The following LZTFL1 variants were observed in gnomAD, a reference collection of about 807,000 sequenced individuals.
The protein encoded by LZTFL1 is leucine zipper transcription factor-like protein 1.
LZTFL1 carries 25 observed loss-of-function variants against 45.9 expected under a neutral mutation model. That is an observed-to-expected ratio of 0.54 (90% CI 0.40 to 0.76). LZTFL1 has a LOEUF of 0.76. Among genes scored for constraint, LZTFL1 ranks in the 30% least tolerant of loss-of-function variants. LZTFL1 has a pLI of 0.00. For missense variants in LZTFL1, 277 were observed against 331.1 expected (o/e 0.84, Z 1.27); for synonymous variants, 93 against 117.4 (o/e 0.79, Z 1.35).
chr3:45,831,263 C>T (rs1270541201), intron 5 of LZTFL1, 125 bp from the exon 6 acceptor site: 6 of 589,860 alleles, frequency 1.0e-5, no homozygotes, highest in Non-Finnish European at 1.7e-5. Context: ...AAATGTACTA[C>T]TGATATTTTG....
chr3:45,839,948 T>C (rs1701063101), intron 1 of LZTFL1, among the ~76,000 whole-genome samples: 2 of 152,234 alleles, frequency 1.3e-5, no homozygotes. Flanking sequence ...ATATAATCTC[T>C]GCTACTTCTT....
chr3:45,846,503 C>A (rs1701219421), upstream of LZTFL1, among the ~76,000 whole-genome samples: 1 of 152,102 alleles, frequency 6.6e-6, no homozygotes, highest in African/African-American at 2.4e-5. Context: ...TTGACTCCCC[C>A]AAAACTGAAC....
intron 2 of LZTFL1, among the ~76,000 whole-genome samples, chr3:45,868,613 C>G (rs1042952565): frequency 6.6e-6 from 1 of 152,142 alleles, no homozygotes; most frequent in Non-Finnish European, 1.5e-5. Context: ...AAAAGTGAGG[C>G]TTAACAAGAT....
At position 45,830,203 on chromosome 3, in the gene LZTFL1, T is replaced by G. The variant is rs535261509; in HGVS notation, c.600+710A>C. Among the ~76,000 whole-genome samples, 11 of 152,234 alleles carry G rather than the reference T, an allele frequency of 7.2e-5. No homozygotes were observed. In the East Asian group the frequency reaches 2.1e-3, roughly 29 times the overall value. On this transcript the variant is annotated intron_variant, in intron 7 of 9. Coordinates refer to ENST00000296135, the MANE Select transcript of LZTFL1 (RefSeq NM_020347.4). Reference sequence around the variant, plus strand: ...GTTTACCAGACATTTGCAATGAGAGTATGACCACTAGAAAAGCCAATGCTG... The same window carrying G: ...GTTTACCAGACATTTGCAATGAGAGGATGACCACTAGAAAAGCCAATGCTG...
chr3:45,874,191 A>G (rs141321793), intron 2 of LZTFL1, among the ~76,000 whole-genome samples: 3 of 151,930 alleles, frequency 2.0e-5, no homozygotes, highest in East Asian at 1.9e-4. Context: ...TCTTTCCTAC[A>G]TCTCTATTTT....
At chr3:45,831,680 C>T (rs990503732) in intron 5 of LZTFL1, among the ~76,000 whole-genome samples, 2 of 152,208 alleles carry the variant, frequency 1.3e-5, no homozygotes, top group African/African-American at 4.8e-5. Context: ...CACTCTGTTT[C>T]AAGTCATGCC....
chr3:45,915,287 T>C, intron 1 of LZTFL1: 1 of 295,072 alleles, frequency 3.4e-6, no homozygotes, highest in Non-Finnish European at 6.9e-6. Context: ...AGGCCCTTTC[T>C]GTTACCCCTC....
Position 45,823,776 on chromosome 3 carries a change from A to C in LZTFL1, c.*2538T>G, listed in dbSNP as rs2125670578. ...AGTGGCAAAGCTTTGGAACATAGGC[A>C]TTTACACATAAGCAGAGGGAAATCA... On this transcript the variant is annotated 3_prime_UTR_variant, in exon 10 of 10. Transcript: ENST00000296135. The C allele has an allele frequency of 6.6e-6, 1 of 152,356 alleles. No homozygotes were observed. The highest frequency in any genetic ancestry group is 3.4e-3 in the Middle Eastern group (1 of 294). 9.4% of individuals were successfully genotyped at this position (152,356 alleles called of 1,614,324 possible).
At chr3:45,865,196 C>CT (rs1410567034) in intron 2 of LZTFL1, among the ~76,000 whole-genome samples, 1 of 152,190 alleles carries the variant, frequency 6.6e-6, no homozygotes, top group Non-Finnish European at 1.5e-5. Context: ...GAAGAAGGAG[C>CT]TTCTCTAATT....
intron 2 of LZTFL1, chr3:45,883,837 G>T: frequency 3.7e-6 from 2 of 543,174 alleles, no homozygotes; most frequent in East Asian, 3.4e-5. Context: ...CCACGGAGTA[G>T]GCCATCACAG....
rs547688198 is a variant in LZTFL1 at position 45,866,713 on chromosome 3, T to C, written c.-214-7697A>G. ...TTAGACTTGGGTTGTTTAGAGTCTT[T>C]CAATATAACCAATAGTGCTGTAATA... is the stretch of plus-strand genomic sequence containing the variant. On this transcript the variant is annotated intron_variant, in intron 2 of 4. Coordinates refer to the LZTFL1 transcript ENST00000472635. Among the ~76,000 whole-genome samples the C allele has an allele frequency of 8.5e-5, 13 of 152,356 alleles. No homozygotes were observed. In the South Asian group the frequency reaches 2.7e-3, roughly 32 times the overall value.
rs1700616874 is a variant in LZTFL1 at position 45,824,546 on chromosome 3, G to A, written c.*1768C>T. 9.1e-6 allele frequency: 3 copies of A among 329,702 alleles called. No homozygotes were observed. Among genetic ancestry groups the A allele is most frequent in the Non-Finnish European group, 1.6e-5 (3 of 183,740 alleles). The allele number at this position is 329,702 out of a possible 1,614,324, so 20.4% of individuals were successfully genotyped here. A position where few individuals can be genotyped will look rare whatever the true frequency, so the allele number is the denominator to read the frequency against. The stretch of plus-strand genomic sequence containing the variant: ...GAATTTATTATTAAACAATAGGAAC[G>A]TACTGTACAGAATATTTCAAAACTG... On this transcript the variant is annotated 3_prime_UTR_variant, in exon 10 of 10. Coordinates refer to ENST00000296135, the MANE Select transcript of LZTFL1 (RefSeq NM_020347.4).
chr3:45,884,078 AC>A, intron 2 of LZTFL1: 1 of 170,576 alleles, frequency 5.9e-6, no homozygotes. Context: ...CTCCTTGGGC[AC>A]CACAGAGGGC....
chr3:45,858,020 C>A (rs1170222376), intron 3 of LZTFL1, among the ~76,000 whole-genome samples: 1 of 152,104 alleles, frequency 6.6e-6, no homozygotes, highest in East Asian at 1.9e-4. Context: ...TTAATGTCTG[C>A]TAATTTTGTG....
At chr3:45,894,407 C>G (rs537197909) in intron 2 of LZTFL1, among the ~76,000 whole-genome samples, 1 of 152,278 alleles carries the variant, frequency 6.6e-6, no homozygotes, top group South Asian at 2.1e-4. Flanking sequence ...AGGCCCTTTT[C>G]CTGGGGAGTC....
At chr3:45,884,524 C>A (rs1016169864) in intron 2 of LZTFL1, among the ~76,000 whole-genome samples, 1 of 152,138 alleles carries the variant, frequency 6.6e-6, no homozygotes, top group Non-Finnish European at 1.5e-5. Flanking sequence ...CACGGGGACC[C>A]GTGCAGAGGA....
chr3:45,832,941 C>A, intron 5 of LZTFL1, 109 bp downstream of exon 5: 1 of 770,830 alleles, frequency 1.3e-6, no homozygotes, highest in South Asian at 1.6e-5. Flanking sequence ...CTGCAATGGA[C>A]TAATTATCCT....
intron 2 of LZTFL1, among the ~76,000 whole-genome samples, chr3:45,895,392 G>C (rs746969606): frequency 6.6e-6 from 1 of 152,230 alleles, no homozygotes; most frequent in Admixed American, 6.5e-5. Flanking sequence ...ACATTCCCCT[G>C]AAAGAGACCA....
At chr3:45,894,917 C>T in intron 2 of LZTFL1, 3 of 1,613,820 alleles carry the variant, frequency 1.9e-6, no homozygotes, top group Non-Finnish European at 2.5e-6. Flanking sequence ...AGCAGGCTTG[C>T]ATCTGACTGA....
Sources: allele counts gnomAD v4.1 joint callset (sites outside exome capture counted in the v4.1 genomes callset), GRCh38; gene constraint gnomAD v4.1.1; transcripts MANE v1.5; gene names NCBI Gene and HGNC (gene_info 2026-07-23, HGNC 2026-07-21).